The following BCL2L14 variants were observed in gnomAD, a reference collection of about 807,000 sequenced individuals.
The protein encoded by BCL2L14 is apoptosis facilitator Bcl-2-like protein 14.
In BCL2L14, 27 loss-of-function variants were observed where a neutral mutation model predicts 35.3. The ratio of observed to expected loss-of-function variants is 0.76; its 90% CI spans 0.56 to 1.05. The LOEUF (loss-of-function observed/expected upper bound fraction) is 1.05. BCL2L14 is among the 50% of genes least tolerant of loss of function. BCL2L14 has a pLI of 0.00. For synonymous variants in BCL2L14, 139 were observed against 145.9 expected, an observed-to-expected ratio of 0.95 and a Z score of 0.34; for missense variants, 377 against 382.6, an observed-to-expected ratio of 0.99 and a Z score of 0.12.
chr12:12,063,572 C>T (rs966346895), intron 2 of BCL2L14, among the ~76,000 whole-genome samples: 3 of 152,092 alleles, frequency 2.0e-5, no homozygotes, highest in Admixed American at 6.6e-5. Flanking sequence ...CGAAGCAGCC[C>T]TGAGAAACAT....
At chr12:12,063,557 C>A (rs1458444235) in intron 2 of BCL2L14, among the ~76,000 whole-genome samples, 3 of 152,088 alleles carry the variant, frequency 2.0e-5, no homozygotes, top group Admixed American at 6.6e-5. Context: ...CACCCCAATC[C>A]CACTCGAAGC....
upstream of BCL2L14, among the ~76,000 whole-genome samples, chr12:12,070,071 A>G (rs1039283477): frequency 2.0e-5 from 3 of 152,244 alleles, no homozygotes; most frequent in Non-Finnish European, 4.4e-5. Flanking sequence ...GCATAAAATC[A>G]GATGTAACTG....
chr12:12,067,406 C>T (rs1043652290), upstream of BCL2L14, among the ~76,000 whole-genome samples: 4 of 151,952 alleles, frequency 2.6e-5, no homozygotes, highest in Admixed American at 2.6e-4. Flanking sequence ...CAAAAATGAG[C>T]CAGGCGTGGT....
chr12:12,093,988 T>TC (rs1949255653), intron 4 of BCL2L14, among the ~76,000 whole-genome samples: 1 of 150,398 alleles, frequency 6.6e-6, no homozygotes, highest in South Asian at 2.1e-4. Flanking sequence ...GCACCTGTAG[T>TC]CCCATCTACT....
intron 5 of BCL2L14, chr12:12,095,631 C>G: frequency 2.0e-6 from 2 of 985,382 alleles, no homozygotes; most frequent in Non-Finnish European, 2.4e-6. Flanking sequence ...CCTAGGCATT[C>G]CTAGGCGGAC....
At chr12:12,095,773 G>A in intron 5 of BCL2L14, 1 of 985,380 alleles carries the variant, frequency 1.0e-6, no homozygotes, top group Non-Finnish European at 1.2e-6. Flanking sequence ...TCTCTTTGCT[G>A]ATGGAAGGAA....
intron 2 of BCL2L14, among the ~76,000 whole-genome samples, chr12:12,062,442 G>A (rs1174643816): frequency 4.9e-4 from 74 of 150,270 alleles, no homozygotes; most frequent in African/African-American, 1.7e-3. Context: ...CCACTAGCCC[G>A]CCTCTTAGAA....
chr12:12,097,130 G>A (rs1319769892), intron 5 of BCL2L14, among the ~76,000 whole-genome samples: 1 of 152,028 alleles, frequency 6.6e-6, no homozygotes, highest in African/African-American at 2.4e-5. Flanking sequence ...GGGAGAGAGA[G>A]CGAGACTCTG....
At chr12:12,098,117 G>A (rs182663814) in intron 5 of BCL2L14, among the ~76,000 whole-genome samples, 39 of 152,232 alleles carry the variant, frequency 2.6e-4, no homozygotes, top group Admixed American at 5.9e-4. Context: ...GAAGTGTGAA[G>A]GACATGTGGA....
At chr12:12,097,073 A>G (rs1277494183) in intron 5 of BCL2L14, among the ~76,000 whole-genome samples, 1 of 152,224 alleles carries the variant, frequency 6.6e-6, no homozygotes, top group African/African-American at 2.4e-5. Context: ...TAAACCTGGG[A>G]GGCGGAGCTT....
chr12:12,053,893 T>C (rs1348999595), intron 2 of BCL2L14, among the ~76,000 whole-genome samples: 1 of 152,170 alleles, frequency 6.6e-6, no homozygotes, highest in Non-Finnish European at 1.5e-5. Context: ...GTGTGGCTGA[T>C]CAGTTCAAAC....
intron 4 of BCL2L14, 53 bp from the exon 5 acceptor site, chr12:12,094,611 T>C (rs1490393691): frequency 6.2e-7 from 1 of 1,614,244 alleles, no homozygotes; most frequent in Non-Finnish European, 8.5e-7. Context: ...TGAACTTCTG[T>C]CTGCCTCGTG....
At chr12:12,050,814 G>GAAA (rs764719291) in intron 1 of BCL2L14, among the ~76,000 whole-genome samples, 48 of 111,508 alleles carry the variant, frequency 4.3e-4, no homozygotes, top group African/African-American at 2.5e-4. Context: ...AAAAAAAAAA[G>GAAA]AAAAGAAAAG....
At chr12:12,092,776 C>T (rs367874151) in intron 4 of BCL2L14, among the ~76,000 whole-genome samples, 8 of 152,228 alleles carry the variant, frequency 5.3e-5, no homozygotes, top group East Asian at 3.9e-4. Context: ...ACAACCCAGA[C>T]GGGGCCTGGA....
chr12:12,076,416 G>T (rs1420824229), intron 1 of BCL2L14, among the ~76,000 whole-genome samples: 2 of 152,160 alleles, frequency 1.3e-5, no homozygotes, highest in Non-Finnish European at 2.9e-5. Flanking sequence ...GAATAAGACA[G>T]GAATGTGAAG....
chr12:12,062,625 C>T (rs907080752), intron 2 of BCL2L14, among the ~76,000 whole-genome samples: 2 of 152,168 alleles, frequency 1.3e-5, no homozygotes, highest in African/African-American at 2.4e-5. Context: ...ACTCAACATG[C>T]CCTGAGTCAG....
rs533880968 is a variant in BCL2L14, at chr12:12,062,676, A to G, written c.-272+10829A>G. ...CTTAGTCTAGGTAGACACTTTCACTAGATAGGAAGAGGCCTTTCCTACAGG... is the reference window on the plus strand; with the variant it reads ...CTTAGTCTAGGTAGACACTTTCACTGGATAGGAAGAGGCCTTTCCTACAGG... On this transcript the variant is annotated intron_variant, in intron 2 of 3. Transcript: ENST00000461264. Among the ~76,000 whole-genome samples, 616 of 152,168 alleles carry G rather than the reference A, an allele frequency of 4.0e-3. 1 individual carries two copies. Among genetic ancestry groups the G allele is most frequent in the African/African-American group, 0.014 (590 of 41,490 alleles).
chr12:12,070,728 G>A (rs368012140), upstream of BCL2L14, among the ~76,000 whole-genome samples: 183 of 151,960 alleles, frequency 1.2e-3, 1 homozygote, highest in African/African-American at 3.4e-3. Context: ...CATGTTAGGC[G>A]GTCAGTAAAC....
At chr12:12,061,533 A>G (rs1419894275) in intron 2 of BCL2L14, among the ~76,000 whole-genome samples, 1 of 152,026 alleles carries the variant, frequency 6.6e-6, no homozygotes. Context: ...TCTATGCCTT[A>G]TCAACCAAAT....
Sources: allele counts gnomAD v4.1 joint callset (sites outside exome capture counted in the v4.1 genomes callset), GRCh38; gene constraint gnomAD v4.1.1; transcripts MANE v1.5; gene names NCBI Gene and HGNC (gene_info 2026-07-23, HGNC 2026-07-21).